Variants in KIF1B observed in about 807,000 individuals in gnomAD.
KIF1B encodes kinesin-like protein KIF1B.
KIF1B carries 76 observed loss-of-function variants against 241.9 expected under a neutral mutation model. The ratio of observed to expected loss-of-function variants is 0.31; its 90% confidence interval spans 0.26 to 0.38. The LOEUF (loss-of-function observed/expected upper bound fraction) is 0.38, where lower values mean the gene tolerates loss of function less well. Among genes scored for constraint, KIF1B ranks in the 10% least tolerant of loss-of-function variants. KIF1B has a pLI of 1.00. For synonymous variants in KIF1B, 750 were observed against 796.7 expected (o/e 0.94, Z 0.99); for missense variants, 1,622 against 2,271.4 (o/e 0.71, Z 5.81).
At chr1:10,332,150 C>G (rs1651967525) in intron 27 of KIF1B, among the ~76,000 whole-genome samples, 1 of 152,026 alleles carries the variant, frequency 6.6e-6, no homozygotes, top group Non-Finnish European at 1.5e-5. Flanking sequence ...CTGCAACCTT[C>G]ACCTCCTGGG....
chr1:10,305,449 C>G (rs1421373574), intron 22 of KIF1B: 1 of 1,058,090 alleles, frequency 9.5e-7, no homozygotes, highest in Non-Finnish European at 1.1e-6. Flanking sequence ...CAAAATCATG[C>G]CAACAGAAAT....
At chr1:10,227,372 G>A (rs1646923946) in intron 1 of KIF1B, among the ~76,000 whole-genome samples, 1 of 152,066 alleles carries the variant, frequency 6.6e-6, no homozygotes, top group Non-Finnish European at 1.5e-5. Flanking sequence ...CCCCAATTAT[G>A]CTATTTGTTT....
rs1638958859 is a variant in KIF1B, at chr1:10,379,047, G to A, written c.*2460G>A. 4 of 231,132 alleles carry A rather than the reference G, an allele frequency of 1.7e-5. No homozygotes were observed. The highest frequency in any genetic ancestry group is 3.4e-5 in the Non-Finnish European group (4 of 116,692). 14.3% of individuals were successfully genotyped at this position (231,132 alleles called of 1,614,324 possible). A position where few individuals can be genotyped will look rare whatever the true frequency, so the allele number is the denominator to read the frequency against. Reference sequence around the variant, plus strand: ...CCAGCAGGATCTGTCGGTGCTTAGAGATGGCTGCCTGGACTGGAATCAAAT... The same window carrying A: ...CCAGCAGGATCTGTCGGTGCTTAGAAATGGCTGCCTGGACTGGAATCAAAT... On this transcript the variant is annotated 3_prime_UTR_variant, in exon 49 of 49. Coordinates refer to ENST00000676179, the MANE Select transcript of KIF1B (RefSeq NM_001365951.3).
chr1:10,296,501 A>G lies in KIF1B; in HGVS notation c.1778-81A>G, dbSNP rs866064460. ...GCAGGGATTTATTCTACTTACTGCA[A>G]ATCCTGATAAGCAACTGCTTTCCAT... On this transcript the variant is annotated intron_variant, in intron 19 of 48. Coordinates refer to ENST00000676179, the MANE Select transcript of KIF1B (RefSeq NM_001365951.3). 49 of 1,184,186 alleles carry G rather than the reference A, an allele frequency of 4.1e-5. No homozygotes were observed. The African/African-American group carries it at 6.9e-4, about 17-fold the overall frequency. The allele number at this position is 1,184,186 out of a possible 1,614,324, so 73.4% of individuals were successfully genotyped here. A position where few individuals can be genotyped will look rare whatever the true frequency, so the allele number is the denominator to read the frequency against.
chr1:10,213,631 CATGAT>C (rs1366976071), intron 1 of KIF1B, among the ~76,000 whole-genome samples: 1 of 152,172 alleles, frequency 6.6e-6, no homozygotes, highest in Non-Finnish European at 1.5e-5. Flanking sequence ...TGTAAACTAA[CATGAT>C]ATAATTTCAT....
intron 1 of KIF1B, among the ~76,000 whole-genome samples, chr1:10,215,377 T>C (rs1250155714): frequency 6.6e-6 from 1 of 151,256 alleles, no homozygotes; most frequent in Non-Finnish European, 1.5e-5. Flanking sequence ...GGTTTCTCCA[T>C]GTTGGTCAGG....
Position 10,380,201 on chromosome 1 carries a change from A to G in KIF1B, c.*3614A>G, listed in dbSNP as rs1434848885. 9.3e-6 allele frequency: 2 copies of G among 214,734 alleles called. No individual in the cohort carries two copies. Among genetic ancestry groups the G allele is most frequent in the East Asian group, 7.0e-5 (1 of 14,356 alleles). 13.3% of individuals were successfully genotyped at this position (214,734 alleles called of 1,614,324 possible). A position where few individuals can be genotyped will look rare whatever the true frequency, so the allele number is the denominator to read the frequency against. Reference sequence around the variant, plus strand: ...ATTTACAGGGATATTTAATTTTGTCAGGTCTATGTATATTTATCCAGCTAT... The same window carrying G: ...ATTTACAGGGATATTTAATTTTGTCGGGTCTATGTATATTTATCCAGCTAT... On this transcript the variant is annotated 3_prime_UTR_variant, in exon 49 of 49. Coordinates refer to ENST00000676179, the MANE Select transcript of KIF1B (RefSeq NM_001365951.3).
At chr1:10,221,129 G>C (rs1646840250) in intron 1 of KIF1B, among the ~76,000 whole-genome samples, 1 of 115,746 alleles carries the variant, frequency 8.6e-6, no homozygotes, top group South Asian at 2.8e-4. Flanking sequence ...ATGGAGTCTC[G>C]CTCTGTCACT....
chr1:10,303,569 C>T lies in KIF1B; in HGVS notation c.2115+6323C>T. The T allele has an allele frequency of 6.2e-7, 1 of 1,614,090 alleles. No individual in the cohort carries two copies. The highest frequency in any genetic ancestry group is 8.5e-7 in the Non-Finnish European group (1 of 1,180,026). ...GCAGTGGCCAGGGACGTCTGGGATACCGTCGGTGTTGGGGATGAGAAGATC... is the reference window on the plus strand; with the variant it reads ...GCAGTGGCCAGGGACGTCTGGGATATCGTCGGTGTTGGGGATGAGAAGATC... On this transcript the variant is annotated intron_variant, in intron 22 of 48. Transcript: ENST00000676179. The surrounding 1 kb of genome is among the most constrained non-coding windows in gnomAD (Gnocchi z 5.2).
chr1:10,248,893 G>A (rs757345807), intron 2 of KIF1B, among the ~76,000 whole-genome samples: 23 of 152,254 alleles, frequency 1.5e-4, no homozygotes, highest in African/African-American at 5.3e-4. Flanking sequence ...TGTGTGTCCA[G>A]AGCAACCTAG....
intron 43 of KIF1B, among the ~76,000 whole-genome samples, chr1:10,367,523 TTTTATC>T (rs1159536904): frequency 6.7e-6 from 1 of 148,202 alleles, no homozygotes; most frequent in Non-Finnish European, 1.5e-5. Context: ...TATTTTTTAT[TTTTATC>T]TTTATTAAAT....
intron 32 of KIF1B, among the ~76,000 whole-genome samples, chr1:10,340,556 C>G (rs1012174032): frequency 8.5e-5 from 13 of 152,204 alleles, no homozygotes; most frequent in African/African-American, 2.9e-4. Context: ...CAATTAAAGT[C>G]ACTCATCAGG....
At chr1:10,318,208 A>T (rs1651379266) in intron 22 of KIF1B, among the ~76,000 whole-genome samples, 1 of 151,514 alleles carries the variant, frequency 6.6e-6, no homozygotes, top group African/African-American at 2.4e-5. Flanking sequence ...TTGTGAGAAT[A>T]ACTGACAAAC....
chr1:10,367,053 A>C (rs528535684), intron 43 of KIF1B, among the ~76,000 whole-genome samples: 14 of 152,266 alleles, frequency 9.2e-5, no homozygotes, highest in Admixed American at 2.0e-4. Flanking sequence ...AGAATTCTTT[A>C]TCTTTATTAC....
chr1:10,260,808 A>C (rs1207304096), intron 4 of KIF1B, among the ~76,000 whole-genome samples: 1 of 150,144 alleles, frequency 6.7e-6, no homozygotes, highest in African/African-American at 2.4e-5. Context: ...CGGAGGTTGC[A>C]GTGAGCTGAG....
At position 10,258,480 on chromosome 1, in the gene KIF1B, T is replaced by C; in HGVS notation, c.184-13T>C. ...AATAAAAGGTTATTTATTTCTCCTTTTACTCTTTACAGCCCGAAGATCCCT... is the reference window on the plus strand; with the variant it reads ...AATAAAAGGTTATTTATTTCTCCTTCTACTCTTTACAGCCCGAAGATCCCT... On this transcript the variant is annotated splice_polypyrimidine_tract_variant and intron_variant, in intron 3 of 48. Coordinates refer to ENST00000676179, the MANE Select transcript of KIF1B (RefSeq NM_001365951.3). 3 of 1,612,522 alleles carry C rather than the reference T, an allele frequency of 1.9e-6. No individual in the cohort carries two copies. Among genetic ancestry groups the C allele is most frequent in the Non-Finnish European group, 2.5e-6 (3 of 1,178,590 alleles).
intron 2 of KIF1B, among the ~76,000 whole-genome samples, chr1:10,251,151 G>GC (rs1409668389): frequency 6.6e-6 from 1 of 151,852 alleles, no homozygotes; most frequent in Admixed American, 6.6e-5. Context: ...GGGCAGCTGA[G>GC]CTAGACTGTC....
intron 43 of KIF1B, among the ~76,000 whole-genome samples, chr1:10,367,538 A>AT (rs111301088): frequency 0.027 from 3,909 of 143,350 alleles, 189 homozygotes; most frequent in African/African-American, 0.092. Flanking sequence ...TCTTTATTAA[A>AT]TTTTTTTTTT....
chr1:10,341,903 T>G (rs1569861214), intron 32 of KIF1B, 147 bp from the exon 33 acceptor site: 1 of 655,952 alleles, frequency 1.5e-6, no homozygotes, highest in South Asian at 1.7e-5. Flanking sequence ...CCCGGGAGGG[T>G]GAGGCCGCAT....
Sources: gnomAD v4.1 joint callset for allele counts (sites outside exome capture counted in the v4.1 genomes callset) on GRCh38, gnomAD v4.1.1 for gene constraint, Gnocchi (gnomAD v3.1) non-coding constraint, MANE v1.5 for transcripts, NCBI Gene and HGNC (gene_info 2026-07-23, HGNC 2026-07-21) for gene names.